Variants in MARVELD2 observed in about 807,000 individuals in gnomAD.
MARVELD2 encodes the protein MARVEL domain containing 2.
Under a neutral mutation model 57.6 loss-of-function variants are expected in MARVELD2, and 49 were observed. The ratio of observed to expected loss-of-function variants is 0.85; its 90% confidence interval spans 0.68 to 1.08. The LOEUF is 1.08. MARVELD2 is among the 50% of genes least tolerant of loss of function. The pLI is 0.00. For missense variants in MARVELD2, 606 were observed against 701.1 expected (o/e 0.86, Z 1.53); for synonymous variants, 238 against 258.8 (o/e 0.92, Z 0.77).
intron 1 of MARVELD2, 194 bp from the exon 2 acceptor site, chr5:69,419,177 T>C: frequency 1.6e-6 from 1 of 639,820 alleles, no homozygotes; most frequent in Non-Finnish European, 2.8e-6. Flanking sequence ...CCGTCTGTCT[T>C]GGCCTCCCAA....
chr5:69,440,912 G>C (rs1239455620), intron 6 of MARVELD2, among the ~76,000 whole-genome samples: 3 of 152,094 alleles, frequency 2.0e-5, no homozygotes, highest in African/African-American at 7.2e-5. Context: ...GCGAAACCTT[G>C]TCTCTACAAA....
chr5:69,419,314 G>T, intron 1 of MARVELD2, 57 bp from the exon 2 acceptor site: 1 of 1,544,130 alleles, frequency 6.5e-7, no homozygotes, highest in Non-Finnish European at 8.9e-7. Flanking sequence ...AATAAAATCA[G>T]CATCATTGAG....
intron 1 of MARVELD2, among the ~76,000 whole-genome samples, chr5:69,416,296 A>G (rs562066651): frequency 6.6e-6 from 1 of 151,466 alleles, no homozygotes; most frequent in African/African-American, 2.5e-5. Context: ...GAAAGGTACA[A>G]AAATAACTGA....
chr5:69,435,475 T>C (rs1046252925), intron 5 of MARVELD2, among the ~76,000 whole-genome samples: 24 of 151,816 alleles, frequency 1.6e-4, no homozygotes, highest in African/African-American at 5.5e-4. Flanking sequence ...CTATATTGGC[T>C]GGGTGTGGTG....
intron 3 of MARVELD2, among the ~76,000 whole-genome samples, chr5:69,430,557 G>A (rs930344666): frequency 2.9e-4 from 43 of 150,230 alleles, no homozygotes; most frequent in African/African-American, 9.8e-4. Context: ...TTTTTGAGAC[G>A]GCGTCTCGCT....
intron 5 of MARVELD2, among the ~76,000 whole-genome samples, chr5:69,437,777 A>G (rs1767202237): frequency 1.3e-5 from 2 of 152,104 alleles, no homozygotes; most frequent in African/African-American, 4.8e-5. Flanking sequence ...ATGAATGGAC[A>G]AGGGCTGCAG....
chr5:69,420,673 G>A, intron 2 of MARVELD2, 142 bp downstream of exon 2: 1 of 843,796 alleles, frequency 1.2e-6, no homozygotes, highest in South Asian at 1.7e-5. Flanking sequence ...TTTTTCAATG[G>A]TCTGAGATTC....
intron 3 of MARVELD2, among the ~76,000 whole-genome samples, chr5:69,429,124 C>T (rs983175814): frequency 4.6e-5 from 7 of 152,206 alleles, no homozygotes; most frequent in African/African-American, 9.6e-5. Context: ...GACCAAGTGG[C>T]GAGGCATGCT....
In MARVELD2 at chr5:69,441,650, C is replaced by G. The variant is rs768081415; in HGVS notation, c.1673C>G (p.Ser558Cys). 8.3e-6 allele frequency: 13 copies of G among 1,562,050 alleles called. No homozygotes were observed. The highest frequency in any genetic ancestry group is 1.1e-5 in the South Asian group (1 of 88,716). The change falls in exon 7 of 7, where the codon TCT (serine) becomes TGT (cysteine). Residue 558 changes from serine (S) to cysteine (C), a missense_variant. By Grantham distance (112) the Ser-to-Cys change is moderately radical. Transcript: ENST00000325631. ...KVMNWDVQGY[S>C] Reference sequence around the variant, plus strand: ...ATGAATTGGGATGTACAAGGTTATTCTTAACGCTTATTTGAAACCACTTTA... The same window carrying G: ...ATGAATTGGGATGTACAAGGTTATTGTTAACGCTTATTTGAAACCACTTTA...
chr5:69,428,850 G>A (rs1047117792), intron 3 of MARVELD2, among the ~76,000 whole-genome samples: 2 of 151,680 alleles, frequency 1.3e-5, no homozygotes, highest in East Asian at 1.9e-4. Flanking sequence ...TCCATATGGG[G>A]GTCAAAAAAA....
At chr5:69,440,030 A>G (rs568578504) in intron 5 of MARVELD2, among the ~76,000 whole-genome samples, 21 of 152,342 alleles carry the variant, frequency 1.4e-4, no homozygotes, top group African/African-American at 4.8e-4. Flanking sequence ...AACTTTCCAA[A>G]AAGGATGAAC....
Position 69,419,715 on chromosome 5 carries a change from C to G in MARVELD2, c.330C>G (p.Ser110=), listed in dbSNP as rs772075392. Residue 110 remains serine (S), a synonymous_variant, in exon 2 of 7, where the codon TCC becomes TCG. Coordinates refer to ENST00000325631, the MANE Select transcript of MARVELD2 (RefSeq NM_001038603.3). ...DKPVSDIRYI[S]DGVECSPPAS... is the part of the protein sequence containing the mutation. ...CGGTGTCTGATATCAGGTACATCTC[C>G]GATGGAGTGGAGTGTTCACCACCAG... is the stretch of plus-strand genomic sequence containing the variant. 1 of 1,614,114 alleles carries G rather than the reference C, an allele frequency of 6.2e-7. No individual in the cohort carries two copies. The highest frequency in any genetic ancestry group is 1.1e-5 in the South Asian group (1 of 91,084).
At chr5:69,429,227 G>A (rs1340511310) in intron 3 of MARVELD2, among the ~76,000 whole-genome samples, 3 of 152,038 alleles carry the variant, frequency 2.0e-5, no homozygotes, top group Non-Finnish European at 1.5e-5. Context: ...CTGGTTAGCA[G>A]CCTCCACACC....
intron 5 of MARVELD2, among the ~76,000 whole-genome samples, chr5:69,436,168 G>A (rs1008186123): frequency 2.0e-5 from 3 of 151,962 alleles, no homozygotes; most frequent in Non-Finnish European, 4.4e-5. Context: ...TCTATTACAT[G>A]TATGATTAAA....
chr5:69,419,108 T>A (rs1195327837), intron 1 of MARVELD2: 2 of 520,020 alleles, frequency 3.8e-6, no homozygotes, highest in Non-Finnish European at 6.9e-6. Context: ...GTATTTTTAG[T>A]AGAGATAGTG....
At chr5:69,427,922 G>T (rs1008082664) in intron 3 of MARVELD2, among the ~76,000 whole-genome samples, 2 of 152,122 alleles carry the variant, frequency 1.3e-5, no homozygotes, top group Non-Finnish European at 2.9e-5. Flanking sequence ...GACCAGCTTG[G>T]CCAACATGGT....
intron 3 of MARVELD2, among the ~76,000 whole-genome samples, chr5:69,428,759 C>T (rs1203621190): frequency 6.6e-6 from 1 of 152,088 alleles, no homozygotes; most frequent in Non-Finnish European, 1.5e-5. Flanking sequence ...CTGCTGAGAT[C>T]CAGAGGATCA....
Position 69,419,640 on chromosome 5 carries a change from C to G in MARVELD2, c.255C>G (p.Ser85=). ...LKPVRRFVPD[S]WKNFFRGKKK... is the part of the protein sequence containing the mutation. ...CAGTAAGGCGCTTTGTCCCTGACTC[C>G]TGGAAGAACTTTTTCAGAGGGAAGA... Residue 85 remains serine, a synonymous_variant, in exon 2 of 7, where the codon TCC becomes TCG. Transcript: ENST00000325631. 1 of 1,614,166 alleles carries G rather than the reference C, an allele frequency of 6.2e-7. No homozygotes were observed. The highest frequency in any genetic ancestry group is 8.5e-7 in the Non-Finnish European group (1 of 1,180,038).
chr5:69,417,603 A>C (rs1766468671), intron 1 of MARVELD2, among the ~76,000 whole-genome samples: 1 of 152,172 alleles, frequency 6.6e-6, no homozygotes, highest in Admixed American at 6.5e-5. Context: ...CAGGAGTTCA[A>C]GACCAGCCTA....
Sources: allele counts gnomAD v4.1 joint callset (sites outside exome capture counted in the v4.1 genomes callset), GRCh38; gene constraint gnomAD v4.1.1; transcripts MANE v1.5; gene names NCBI Gene and HGNC (gene_info 2026-07-23, HGNC 2026-07-21).